The following KATNIP variants were observed in gnomAD, a reference collection of about 807,000 sequenced individuals.
KATNIP encodes katanin interacting protein.
In KATNIP, 126 loss-of-function variants were observed where a neutral mutation model predicts 174.0. The observed-to-expected ratio is 0.72, with a 90% confidence interval of 0.63 to 0.84. The LOEUF is 0.84. Ranked by LOEUF, KATNIP falls within the 40% of genes least tolerant of loss-of-function variation. The pLI is 0.00. For missense variants in KATNIP, 1,958 were observed against 2,109.7 expected, an observed-to-expected ratio of 0.93 and a Z score of 1.41; for synonymous variants, 810 against 835.7, an observed-to-expected ratio of 0.97 and a Z score of 0.53.
intron 15 of KATNIP, among the ~76,000 whole-genome samples, chr16:27,747,057 G>A (rs556635481): frequency 3.3e-5 from 5 of 152,338 alleles, no homozygotes; most frequent in East Asian, 3.9e-4. Context: ...GTTAAGCAGG[G>A]CCTGCCTGGG....
chr16:27,572,396 C>CACACACAT (rs2090339957), intron 1 of KATNIP, among the ~76,000 whole-genome samples: 1 of 151,514 alleles, frequency 6.6e-6, no homozygotes, highest in South Asian at 2.1e-4. Context: ...CACACACACA[C>CACACACAT]ACAATGAAGA....
chr16:27,627,602 C>T (rs191518014), intron 3 of KATNIP, among the ~76,000 whole-genome samples: 34 of 152,348 alleles, frequency 2.2e-4, no homozygotes, highest in Non-Finnish European at 4.4e-5. Flanking sequence ...TCAGAATTCA[C>T]GGTGACTTTC....
chr16:27,597,353 T>A (rs138325365), intron 2 of KATNIP, among the ~76,000 whole-genome samples: 31 of 151,318 alleles, frequency 2.0e-4, no homozygotes, highest in African/African-American at 5.3e-4. Context: ...TTTGTATACC[T>A]GAGTGTATCC....
intron 6 of KATNIP, among the ~76,000 whole-genome samples, chr16:27,652,846 C>T (rs2142376491): frequency 6.6e-6 from 1 of 151,092 alleles, no homozygotes. Flanking sequence ...GTTGATGTAT[C>T]AGGAATGAAA....
At chr16:27,720,406 A>C (rs994188942) in intron 13 of KATNIP, among the ~76,000 whole-genome samples, 3 of 152,014 alleles carry the variant, frequency 2.0e-5, no homozygotes, top group Non-Finnish European at 2.9e-5. Flanking sequence ...TCTCCTCCCT[A>C]AAGCTTTAAT....
At chr16:27,747,453 T>C (rs1238880827) in intron 15 of KATNIP, among the ~76,000 whole-genome samples, 2 of 151,860 alleles carry the variant, frequency 1.3e-5, no homozygotes, top group African/African-American at 2.4e-5. Flanking sequence ...CCTCCATCTC[T>C]CGACTCGTGT....
chr16:27,603,769 C>T (rs1025699937), intron 2 of KATNIP, among the ~76,000 whole-genome samples: 2 of 147,770 alleles, frequency 1.4e-5, no homozygotes, highest in East Asian at 3.9e-4. Context: ...TAGAGTGTCC[C>T]TCTGTCGCCT....
Position 27,597,416 on chromosome 16 carries a change from T to C in KATNIP, c.64-21009T>C, listed in dbSNP as rs1236407765. Among the ~76,000 whole-genome samples, 36 of 142,536 alleles carry C rather than the reference T, an allele frequency of 2.5e-4. 1 individual carries two copies. The highest frequency in any genetic ancestry group is 6.9e-4 in the Admixed American group (10 of 14,536). The allele number at this position is 142,536 out of a possible 152,430, so 93.5% of individuals were successfully genotyped here. ...TATTTTCTTTTCTTTTTTTTTTTTT[T>C]TTTTTTTTTTTTTTTACCAGAAATG... is the stretch of plus-strand genomic sequence containing the variant. On this transcript the variant is annotated intron_variant, in intron 2 of 27. Transcript: ENST00000261588.
At chr16:27,557,165 G>T in intron 1 of KATNIP, among the ~76,000 whole-genome samples, 1 of 147,476 alleles carries the variant, frequency 6.8e-6, no homozygotes, top group African/African-American at 2.5e-5. Context: ...TTTTTGAGGT[G>T]GAGTCTCACT....
At chr16:27,643,400 G>C (rs2076862578) in intron 5 of KATNIP, 1 of 152,216 alleles carries the variant, frequency 6.6e-6, no homozygotes. Flanking sequence ...AGACCAGCTT[G>C]GCCAACTTGG....
intron 8 of KATNIP, among the ~76,000 whole-genome samples, chr16:27,686,536 A>G (rs1320470622): frequency 6.6e-6 from 1 of 152,190 alleles, no homozygotes; most frequent in Non-Finnish European, 1.5e-5. Context: ...TCCTCTAACA[A>G]TCTATGCGTT....
intron 8 of KATNIP, among the ~76,000 whole-genome samples, chr16:27,683,623 A>G (rs571937896): frequency 6.6e-6 from 1 of 152,326 alleles, no homozygotes; most frequent in African/African-American, 2.4e-5. Flanking sequence ...ATAGAACATG[A>G]AAGATGTCAG....
Position 27,756,224 on chromosome 16 carries a change from C to T in KATNIP, c.3631+1973C>T, listed in dbSNP as rs185684777. ...TGACCAATGATCTCTTAGAAGGTGC[C>T]TTAGAGGAAGGTGCCTTATTTGGAA... On this transcript the variant is annotated intron_variant, in intron 18 of 27. Coordinates refer to ENST00000261588, the MANE Select transcript of KATNIP (RefSeq NM_015202.5). Among the ~76,000 whole-genome samples the T allele has an allele frequency of 4.2e-3, 640 of 152,306 alleles. 3 individuals are homozygous for T. The highest frequency in any genetic ancestry group is 6.4e-3 in the Non-Finnish European group (436 of 68,030).
chr16:27,680,567 C>T (rs777240641), intron 7 of KATNIP, among the ~76,000 whole-genome samples: 4 of 152,222 alleles, frequency 2.6e-5, no homozygotes. Context: ...TGCCCTGTCA[C>T]CCGGGCTGAA....
intron 21 of KATNIP, 113 bp from the exon 22 acceptor site, chr16:27,771,475 C>A: frequency 1.0e-6 from 1 of 957,052 alleles, no homozygotes. Flanking sequence ...CTGCTGCATC[C>A]TAGGGAACGC....
intron 27 of KATNIP, 100 bp downstream of exon 27, chr16:27,778,069 C>A (rs2082567012): frequency 4.9e-6 from 5 of 1,022,788 alleles, no homozygotes; most frequent in Admixed American, 2.0e-5. Flanking sequence ...CCCCTGCCTG[C>A]CCCTAGACCG....
intron 1 of KATNIP, among the ~76,000 whole-genome samples, chr16:27,568,460 G>A (rs1384517841): frequency 6.6e-6 from 1 of 151,874 alleles, no homozygotes; most frequent in Non-Finnish European, 1.5e-5. Flanking sequence ...CCTTGCCCCG[G>A]GAATAAGAAA....
chr16:27,566,880 T>G (rs2090111491), intron 1 of KATNIP, among the ~76,000 whole-genome samples: 1 of 152,218 alleles, frequency 6.6e-6, no homozygotes, highest in South Asian at 2.1e-4. Context: ...ACAACCCATC[T>G]GCACCTTCCT....
chr16:27,609,631 C>T (rs1181695311), intron 2 of KATNIP, among the ~76,000 whole-genome samples: 1 of 150,738 alleles, frequency 6.6e-6, no homozygotes, highest in Non-Finnish European at 1.5e-5. Flanking sequence ...ACCTCGTGAT[C>T]CGCCCACCTC....
Sources: allele counts gnomAD v4.1 joint callset (sites outside exome capture counted in the v4.1 genomes callset), GRCh38; gene constraint gnomAD v4.1.1; transcripts MANE v1.5; gene names NCBI Gene and HGNC (gene_info 2026-07-23, HGNC 2026-07-21).